ADARB2: variants seen among roughly 807,000 people sequenced by gnomAD.
The protein encoded by ADARB2 is inactive double-stranded RNA-specific editase B2.
A neutral mutation model predicts 62.2 loss-of-function variants in ADARB2; 25 were observed. The ratio of observed to expected loss-of-function variants is 0.40; its 90% CI spans 0.29 to 0.56. The LOEUF is 0.56. Ranked by LOEUF, ADARB2 falls within the 20% of genes least tolerant of loss-of-function variation. The pLI, the probability that ADARB2 is intolerant of heterozygous loss-of-function variation, is 0.43. For synonymous variants in ADARB2, 572 were observed against 500.8 expected (o/e 1.14, Z -1.90); for missense variants, 1,071 against 1,077.4 (o/e 0.99, Z 0.08).
At chr10:1,331,794 T>A (rs1324008799) in intron 3 of ADARB2, among the ~76,000 whole-genome samples, 2 of 152,204 alleles carry the variant, frequency 1.3e-5, no homozygotes, top group African/African-American at 4.8e-5. Context: ...AAGTTCTAGA[T>A]TTTTTTCCTT....
intron 1 of ADARB2, among the ~76,000 whole-genome samples, chr10:1,411,481 C>T (rs2131879488): frequency 6.6e-6 from 1 of 152,344 alleles, no homozygotes; most frequent in East Asian, 1.9e-4. Context: ...CAAGTTACTG[C>T]TGGACCCAAG....
At chr10:1,308,678 T>C (rs1831655416) in intron 3 of ADARB2, among the ~76,000 whole-genome samples, 1 of 152,234 alleles carries the variant, frequency 6.6e-6, no homozygotes, top group African/African-American at 2.4e-5. Context: ...GTCAGTGTTC[T>C]GGGTTTTGGT....
In ADARB2 at chr10:1,363,084, C is replaced by G. The variant is rs1296320224; in HGVS notation, c.1021G>C (p.Asp341His). ...GGCGCGTGGCCGGGCATCTGGATGTCGAACAGCTCCTGCAGTGCGGCCTGC... is the reference window on the plus strand; with the variant it reads ...GGCGCGTGGCCGGGCATCTGGATGTGGAACAGCTCCTGCAGTGCGGCCTGC... ...AAQAALQELF[D>H]IQMPGHAPGR... Residue 341 changes from aspartate (D) to histidine (H), a missense_variant, in exon 3 of 10, where the codon GAC becomes CAC. Physicochemically the swap from Asp to His is moderately conservative, Grantham distance 81. Transcript: ENST00000381312. The G allele has an allele frequency of 1.4e-6, 2 of 1,478,200 alleles. No homozygotes were observed. The highest frequency in any genetic ancestry group is 2.7e-5 in the East Asian group (1 of 36,918). The allele number at this position is 1,478,200 out of a possible 1,614,324, so 91.6% of individuals were successfully genotyped here.
At chr10:1,576,097 G>GGGAGGGGGCTCAGAGTCACA (rs1833013968) in intron 1 of ADARB2, among the ~76,000 whole-genome samples, 1 of 61,370 alleles carries the variant, frequency 1.6e-5, no homozygotes, top group Admixed American at 1.5e-4. Flanking sequence ...TCAGGGCCAC[G>GGGAGGGGGCTCAGAGTCACA]GGAGGGGGCT....
At chr10:1,478,275 C>A (rs79274072) in intron 1 of ADARB2, among the ~76,000 whole-genome samples, 3 of 152,164 alleles carry the variant, frequency 2.0e-5, no homozygotes, top group Non-Finnish European at 2.9e-5. Flanking sequence ...CTGGGAACAG[C>A]GTCACGGACA....
At chr10:1,696,877 C>T (rs887039227) in intron 1 of ADARB2, among the ~76,000 whole-genome samples, 4 of 152,238 alleles carry the variant, frequency 2.6e-5, no homozygotes, top group Non-Finnish European at 5.9e-5. Flanking sequence ...GTTTGTCCAA[C>T]CTGCAGCCTA....
intron 1 of ADARB2, among the ~76,000 whole-genome samples, chr10:1,510,152 CTT>C (rs1390021962): frequency 8.2e-6 from 1 of 121,334 alleles, no homozygotes; most frequent in Admixed American, 8.8e-5. Context: ...TTCTTTCTTT[CTT>C]TCTTTCTTTC....
intron 1 of ADARB2, among the ~76,000 whole-genome samples, chr10:1,730,180 G>A (rs774145074): frequency 6.6e-6 from 1 of 152,180 alleles, no homozygotes; most frequent in Non-Finnish European, 1.5e-5. Context: ...AACAGCCACA[G>A]AGAGAAACCT....
chr10:1,737,260 G>C lies in ADARB2; in HGVS notation c.-110C>G, dbSNP rs1384231822. 4 of 1,127,372 alleles carry C rather than the reference G, an allele frequency of 3.5e-6. No homozygotes were observed. Among genetic ancestry groups the C allele is most frequent in the Non-Finnish European group, 5.2e-6 (4 of 769,494 alleles). The allele number at this position is 1,127,372 out of a possible 1,614,324, so 69.8% of individuals were successfully genotyped here. On this transcript the variant is annotated 5_prime_UTR_variant, in exon 1 of 10. Transcript: ENST00000381312. ...CTGCGAAGCTTGAGGTTGCAAACCC[G>C]GGAGCGGCTCACTTTTCAGGACTGA...
intron 7 of ADARB2, among the ~76,000 whole-genome samples, chr10:1,206,859 C>T (rs950738075): frequency 6.6e-5 from 10 of 152,184 alleles, no homozygotes; most frequent in South Asian, 2.1e-4. Context: ...CACCCTCTGC[C>T]GTCTCCACAG....
intron 1 of ADARB2, among the ~76,000 whole-genome samples, chr10:1,564,704 C>T (rs1052173868): frequency 2.0e-5 from 3 of 151,954 alleles, no homozygotes; most frequent in Admixed American, 6.6e-5. Flanking sequence ...ATCAAAACCA[C>T]AGCGAGATAC....
At chr10:1,392,006 T>C (rs1474630808) in intron 1 of ADARB2, among the ~76,000 whole-genome samples, 2 of 152,214 alleles carry the variant, frequency 1.3e-5, no homozygotes, top group East Asian at 1.9e-4. Flanking sequence ...GCTCAAGCAA[T>C]CTGCCTGCCT....
intron 1 of ADARB2, among the ~76,000 whole-genome samples, chr10:1,571,949 G>A (rs529303929): frequency 6.8e-6 from 1 of 147,968 alleles, no homozygotes; most frequent in South Asian, 2.2e-4. Context: ...GCGGACAGGT[G>A]AGTAGGCAGG....
At chr10:1,644,614 G>T (rs1039470416) in intron 1 of ADARB2, among the ~76,000 whole-genome samples, 1 of 152,260 alleles carries the variant, frequency 6.6e-6, no homozygotes, top group Admixed American at 6.5e-5. Flanking sequence ...GTCTTGTCCT[G>T]CCAGGCGCCT....
At chr10:1,623,331 C>T (rs576355502) in intron 1 of ADARB2, among the ~76,000 whole-genome samples, 60 of 152,256 alleles carry the variant, frequency 3.9e-4, no homozygotes, top group African/African-American at 1.4e-3. Flanking sequence ...GAATTGTGCA[C>T]GGGCAAAGTC....
intron 7 of ADARB2, among the ~76,000 whole-genome samples, chr10:1,203,410 G>A (rs1161511223): frequency 2.0e-5 from 3 of 152,206 alleles, no homozygotes; most frequent in Non-Finnish European, 4.4e-5. Context: ...GAACAGGACC[G>A]CCCTTGCCTG....
intron 1 of ADARB2, among the ~76,000 whole-genome samples, chr10:1,452,336 G>GTAA (rs1051898366): frequency 3.9e-5 from 6 of 152,044 alleles, no homozygotes; most frequent in African/African-American, 1.2e-4. Flanking sequence ...GGGAAAAATA[G>GTAA]TAATAATAAT....
At chr10:1,575,967 G>T (rs1833005682) in intron 1 of ADARB2, among the ~76,000 whole-genome samples, 1 of 151,454 alleles carries the variant, frequency 6.6e-6, no homozygotes. Flanking sequence ...GGTACTCCGG[G>T]GCCATGGGAG....
intron 4 of ADARB2, among the ~76,000 whole-genome samples, chr10:1,254,007 G>A (rs915127789): frequency 1.3e-5 from 2 of 151,746 alleles, no homozygotes; most frequent in Non-Finnish European, 2.9e-5. Flanking sequence ...GTTAGAATAC[G>A]GTGGGCTATG....
Sources: gnomAD v4.1 joint callset for allele counts (sites outside exome capture counted in the v4.1 genomes callset) on GRCh38, gnomAD v4.1.1 for gene constraint, MANE v1.5 for transcripts, NCBI Gene and HGNC (gene_info 2026-07-23, HGNC 2026-07-21) for gene names.